The following MICAL3 variants were observed in gnomAD, a reference collection of about 807,000 sequenced individuals.
MICAL3 encodes the protein [F-actin]-monooxygenase MICAL3.
Under a neutral mutation model 207.4 loss-of-function variants are expected in MICAL3, and 62 were observed. That is an observed-to-expected ratio of 0.30 (90% CI 0.24 to 0.37). The LOEUF is 0.37. Among genes scored for constraint, MICAL3 ranks in the 10% least tolerant of loss-of-function variants. The pLI is 1.00. For synonymous variants in MICAL3, 1,077 were observed against 1,069.3 expected, an observed-to-expected ratio of 1.01 and a Z score of -0.14; for missense variants, 2,368 against 2,635.6, an observed-to-expected ratio of 0.90 and a Z score of 2.22.
rs1602088439 is a variant in MICAL3 at position 17,865,338 on chromosome 22, G to A, written c.2518-352C>T. Among the ~76,000 whole-genome samples the A allele has an allele frequency of 1.3e-4, 20 of 152,302 alleles. No individual in the cohort carries two copies. The South Asian group carries it at 4.1e-3, about 32-fold the overall frequency. On this transcript the variant is annotated intron_variant, in intron 18 of 31. Coordinates refer to ENST00000441493, the MANE Select transcript of MICAL3 (RefSeq NM_015241.3). ...TCAAGGGGGACTGACAGGCAGGCGT[G>A]CTGACAAGGTGGCAACCATGCTGAA...
intron 1 of MICAL3, among the ~76,000 whole-genome samples, chr22:18,023,408 T>C (rs1007949324): frequency 6.6e-6 from 1 of 151,164 alleles, no homozygotes; most frequent in Non-Finnish European, 1.5e-5. Context: ...AGCCTACAGC[T>C]TGTCTCGGTT....
chr22:17,799,949 AACACACACAC>A (rs3078144), intron 29 of MICAL3, among the ~76,000 whole-genome samples: 18,579 of 146,786 alleles, frequency 0.13, 1,747 homozygotes, highest in African/African-American at 0.27. Flanking sequence ...CTCACTCTAA[AACACACACAC>A]ACACACACAC....
Position 17,884,401 on chromosome 22 carries a change from GACAAA to G in MICAL3, c.2241+1472_2241+1476del, listed in dbSNP as rs954645679. ...AGTGTGGGTGGGGACAGGACATGGA[GACAAA>G]ACAAAATAAAAATACATTAAGGTGG... On this transcript the variant is annotated intron_variant, in intron 16 of 31. Coordinates refer to ENST00000441493, the MANE Select transcript of MICAL3 (RefSeq NM_015241.3). 4.8e-6 allele frequency: 7 copies of G among 1,444,138 alleles called. No homozygotes were observed. The Admixed American group carries it at 1.3e-4, about 27-fold the overall frequency. 89.5% of individuals were successfully genotyped at this position (1,444,138 alleles called of 1,614,324 possible).
chr22:17,868,125 G>A (rs915492269), intron 17 of MICAL3, among the ~76,000 whole-genome samples: 10 of 152,104 alleles, frequency 6.6e-5, no homozygotes, highest in African/African-American at 1.7e-4. Context: ...TGTGATCTCC[G>A]TTCCAACACT....
intron 1 of MICAL3, among the ~76,000 whole-genome samples, chr22:17,915,252 T>C (rs9604802): frequency 0.33 from 49,970 of 152,130 alleles, 8,584 homozygotes; most frequent in East Asian, 0.55. Context: ...CACCATGTAC[T>C]CAGTTCCAGG....
At chr22:17,859,504 G>A (rs1303382673) in intron 19 of MICAL3, among the ~76,000 whole-genome samples, 1 of 152,244 alleles carries the variant, frequency 6.6e-6, no homozygotes, top group Non-Finnish European at 1.5e-5. Context: ...GTGTGTGTGA[G>A]AAGGGAATAG....
intron 1 of MICAL3, among the ~76,000 whole-genome samples, chr22:18,000,246 GGAAA>G (rs1446317478): frequency 6.7e-5 from 10 of 148,602 alleles, no homozygotes; most frequent in African/African-American, 1.0e-4. Context: ...AAGCTTAGGG[GGAAA>G]AAAAAAAAAA....
intron 16 of MICAL3, chr22:17,879,466 A>G: frequency 7.2e-7 from 1 of 1,397,922 alleles, no homozygotes; most frequent in South Asian, 1.3e-5. Context: ...CTACTAAACG[A>G]CAGTGGGAAA....
At chr22:17,896,651 G>C (rs1930864445) in intron 8 of MICAL3, 73 bp downstream of exon 8, 2 of 1,493,052 alleles carry the variant, frequency 1.3e-6, no homozygotes, top group Admixed American at 3.6e-5. Context: ...CTCATTCCAA[G>C]ACCCAGGATG....
intron 20 of MICAL3, among the ~76,000 whole-genome samples, chr22:17,833,112 C>T (rs530393314): frequency 1.3e-5 from 2 of 152,328 alleles, no homozygotes; most frequent in Admixed American, 1.3e-4. Flanking sequence ...CGTAGCTCCT[C>T]GCTCTGGCCA....
rs773516055 is a variant in MICAL3 at position 17,788,320 on chromosome 22, T to C, written c.*2412A>G. 2.0e-5 allele frequency: 3 copies of C among 152,304 alleles called. No individual in the cohort carries two copies. The highest frequency in any genetic ancestry group is 2.9e-5 in the Non-Finnish European group (2 of 68,092). The allele number at this position is 152,304 out of a possible 1,614,324, so 9.4% of individuals were successfully genotyped here. A position where few individuals can be genotyped will look rare whatever the true frequency, so the allele number is the denominator to read the frequency against. ...CCAGACTGCAGGCTGCCGTGTGTGC[T>C]GTGGAGGATGCCACAGTGTTAAGGC... On this transcript the variant is annotated 3_prime_UTR_variant, in exon 32 of 32. Coordinates refer to ENST00000441493, the MANE Select transcript of MICAL3 (RefSeq NM_015241.3).
intron 1 of MICAL3, among the ~76,000 whole-genome samples, chr22:17,960,169 A>G (rs1934835592): frequency 6.6e-6 from 1 of 152,112 alleles, no homozygotes; most frequent in Non-Finnish European, 1.5e-5. Context: ...TGGCTAGCTC[A>G]CTCCCATTCC....
At chr22:17,851,951 C>T (rs574315475) in intron 19 of MICAL3, among the ~76,000 whole-genome samples, 3 of 152,260 alleles carry the variant, frequency 2.0e-5, no homozygotes, top group African/African-American at 7.2e-5. Flanking sequence ...TGGGTCAGCA[C>T]GAGCAAGTCC....
intron 19 of MICAL3, chr22:17,863,911 T>C (rs1926786438): frequency 1.0e-6 from 1 of 985,458 alleles, no homozygotes; most frequent in Non-Finnish European, 1.2e-6. Context: ...GTTTTGTATA[T>C]AGCTGCTTGA....
chr22:17,852,339 G>A (rs1602056240), intron 19 of MICAL3, among the ~76,000 whole-genome samples: 1 of 152,022 alleles, frequency 6.6e-6, no homozygotes, highest in East Asian at 1.9e-4. Flanking sequence ...CCTGTCAGAG[G>A]GCCACTGAGG....
chr22:17,917,833 G>A (rs1054263038), intron 1 of MICAL3, among the ~76,000 whole-genome samples: 19 of 152,176 alleles, frequency 1.2e-4, no homozygotes, highest in African/African-American at 4.6e-4. Flanking sequence ...CCCCGCCCCT[G>A]CCCCGTCACT....
At position 17,886,034 on chromosome 22, in the gene MICAL3, GC is replaced by G. The variant is rs756290477; in HGVS notation, c.2084del (p.Gly695AlafsTer10). 6.2e-7 allele frequency: 1 copy of G among 1,613,916 alleles called. No individual in the cohort carries two copies. Among genetic ancestry groups the G allele is most frequent in the Non-Finnish European group, 8.5e-7 (1 of 1,179,892 alleles). On this transcript the variant is annotated frameshift_variant, in exon 16 of 32. Coordinates refer to ENST00000441493, the MANE Select transcript of MICAL3 (RefSeq NM_015241.3). LOFTEE classifies it high-confidence loss of function. ...SQSEEEEAPR[G>X]HRGERPTLVS... ...CCAGGGTCGGTCTTTCTCCTCTGTG[GC>G]CCCGAGGAGCTTCCTCCTGGTCAAT...
chr22:18,001,187 G>A (rs1188065237), intron 1 of MICAL3: 4 of 152,054 alleles, frequency 2.6e-5, no homozygotes, highest in Admixed American at 6.6e-5. Flanking sequence ...AAGCGCAGCC[G>A]GAAGGAGGCG....
At chr22:17,877,195 T>G (rs1928709048) in intron 16 of MICAL3, among the ~76,000 whole-genome samples, 1 of 98,968 alleles carries the variant, frequency 1.0e-5, no homozygotes, top group Non-Finnish European at 2.0e-5. Context: ...GTTATGGAGG[T>G]TAGGGAGGTT....
Sources: allele counts gnomAD v4.1 joint callset (sites outside exome capture counted in the v4.1 genomes callset), GRCh38; gene constraint gnomAD v4.1.1; transcripts MANE v1.5; gene names NCBI Gene and HGNC (gene_info 2026-07-23, HGNC 2026-07-21).